The following MTUS2 variants were observed in gnomAD, a reference collection of about 807,000 sequenced individuals.
The protein encoded by MTUS2 is microtubule-associated tumor suppressor candidate 2.
MTUS2 carries 40 observed loss-of-function variants against 114.1 expected under a neutral mutation model. The observed-to-expected ratio is 0.35, with a 90% CI of 0.27 to 0.46. The LOEUF (loss-of-function observed/expected upper bound fraction) is 0.46, where lower values mean the gene tolerates loss of function less well. MTUS2 is among the 20% of genes least tolerant of loss of function. The probability of loss-of-function intolerance (pLI) is 1.00; values close to 1 mark genes in which losing one functional copy is unlikely to be tolerated. For synonymous variants in MTUS2, 688 were observed against 672.0 expected, an observed-to-expected ratio of 1.02 and a Z score of -0.37; for missense variants, 1,679 against 1,705.4, an observed-to-expected ratio of 0.98 and a Z score of 0.27.
chr13:29,363,463 A>G (rs1870437336), intron 8 of MTUS2, among the ~76,000 whole-genome samples: 2 of 152,292 alleles, frequency 1.3e-5, no homozygotes, highest in South Asian at 4.2e-4. Context: ...GACTTTCTAA[A>G]CTTACTAAAA....
At chr13:29,440,480 G>A (rs900522929) in intron 9 of MTUS2, among the ~76,000 whole-genome samples, 13 of 152,164 alleles carry the variant, frequency 8.5e-5, no homozygotes, top group Non-Finnish European at 1.2e-4. Flanking sequence ...TTAAAAATAC[G>A]AGAGTTCATG....
In MTUS2 at chr13:29,008,923, TC is replaced by T. The variant is rs773462100; in HGVS notation, c.-242-15533del. ...CCCTGGTAATTTTCTCCTTTTGTTT[TC>T]TCCATTCTTCTTCTTCTTTTTTTTT... On this transcript the variant is annotated intron_variant, in intron 2 of 15. Transcript: ENST00000612955. 6.6e-5 allele frequency among the ~76,000 whole-genome samples: 10 copies of T among 152,166 alleles called. No individual in the cohort carries two copies. In the East Asian group the frequency reaches 1.7e-3, roughly 26 times the overall value.
chr13:29,494,468 AG>A (rs1882396077), intron 12 of MTUS2, among the ~76,000 whole-genome samples: 1 of 151,860 alleles, frequency 6.6e-6, no homozygotes, highest in African/African-American at 2.4e-5. Flanking sequence ...TTGCCTGACG[AG>A]TTTGCTGTTG....
intron 5 of MTUS2, among the ~76,000 whole-genome samples, chr13:29,257,137 T>C (rs1897306563): frequency 6.6e-6 from 1 of 152,236 alleles, no homozygotes; most frequent in Non-Finnish European, 1.5e-5. Context: ...TCTCATTCTT[T>C]CCTTGCCCTT....
intron 5 of MTUS2, among the ~76,000 whole-genome samples, chr13:29,189,965 T>A (rs1894379841): frequency 6.6e-6 from 1 of 152,152 alleles, no homozygotes. Context: ...GAGATTAGTG[T>A]CCTTAGGAGA....
intron 5 of MTUS2, among the ~76,000 whole-genome samples, chr13:29,101,589 C>A (rs1342411355): frequency 6.6e-6 from 1 of 152,148 alleles, no homozygotes; most frequent in African/African-American, 2.4e-5. Flanking sequence ...CAGCTGCTGT[C>A]CCTGAGGAAG....
At chr13:29,300,195 T>C (rs537927350) in intron 6 of MTUS2, among the ~76,000 whole-genome samples, 139 of 152,330 alleles carry the variant, frequency 9.1e-4, no homozygotes, top group African/African-American at 3.2e-3. Context: ...GACATACCTA[T>C]AGTGCCAGAA....
At chr13:28,992,726 C>A (rs892625531) in intron 2 of MTUS2, among the ~76,000 whole-genome samples, 33 of 152,134 alleles carry the variant, frequency 2.2e-4, no homozygotes, top group African/African-American at 7.7e-4. Flanking sequence ...TTAAAATTTT[C>A]TTTTTATTGT....
chr13:29,246,668 A>G (rs1221388059), intron 5 of MTUS2, among the ~76,000 whole-genome samples: 1 of 152,204 alleles, frequency 6.6e-6, no homozygotes, highest in Non-Finnish European at 1.5e-5. Context: ...CTTGGGTTTT[A>G]AAGCAATGGA....
At chr13:29,001,376 CAG>C (rs1885375847) in intron 2 of MTUS2, among the ~76,000 whole-genome samples, 1 of 152,070 alleles carries the variant, frequency 6.6e-6, no homozygotes, top group African/African-American at 2.4e-5. Context: ...GAGAAGTAGT[CAG>C]ATGCTGGATC....
At chr13:29,183,205 A>G (rs1208769392) in intron 5 of MTUS2, among the ~76,000 whole-genome samples, 2 of 152,170 alleles carry the variant, frequency 1.3e-5, no homozygotes, top group Admixed American at 1.3e-4. Context: ...TTCTGGCTAC[A>G]CTTTGGAGTC....
intron 5 of MTUS2, among the ~76,000 whole-genome samples, chr13:29,215,209 A>G (rs1329932830): frequency 1.3e-5 from 2 of 151,704 alleles, no homozygotes; most frequent in East Asian, 1.9e-4. Flanking sequence ...TTTCAGCTCT[A>G]TCAAGTCATT....
At chr13:29,113,291 A>G (rs910510250) in intron 5 of MTUS2, among the ~76,000 whole-genome samples, 11 of 152,178 alleles carry the variant, frequency 7.2e-5, no homozygotes, top group Non-Finnish European at 1.6e-4. Context: ...TACCTGCACC[A>G]GCCACTAAGG....
chr13:29,267,789 C>T (rs915406633), intron 5 of MTUS2, among the ~76,000 whole-genome samples: 5 of 151,928 alleles, frequency 3.3e-5, no homozygotes, highest in East Asian at 3.9e-4. Flanking sequence ...GGCCTGCATC[C>T]GAGGGTTGTG....
chr13:29,100,965 C>T lies in MTUS2; in HGVS notation c.2639C>T (p.Ala880Val). 2 of 1,559,652 alleles carry T rather than the reference C, an allele frequency of 1.3e-6. No homozygotes were observed. The highest frequency in any genetic ancestry group is 1.7e-6 in the Non-Finnish European group (2 of 1,150,194). ...GCACAGCCAGAGCAGGGCCGGCCAG[C>T]CACCCGTAAGTGGGGTGGGGCAGGG... ...DSAQPEQGRP[A>V]TRSTFGNEEQ... The change falls in exon 5 of 16, where the codon GCC becomes GTC. Residue 880 changes from alanine (A) to valine (V), a missense_variant. This residue lies in a region of MTUS2 where 822 missense variants were observed against 899.7 expected (regional missense o/e 0.91). Transcript: ENST00000612955.
intron 8 of MTUS2, among the ~76,000 whole-genome samples, chr13:29,418,170 G>C: frequency 6.6e-6 from 1 of 152,258 alleles, no homozygotes; most frequent in East Asian, 1.9e-4. Context: ...AATAGTCCTT[G>C]AAAAATATGA....
chr13:28,949,328 T>C (rs547063070), intron 2 of MTUS2, among the ~76,000 whole-genome samples: 2 of 152,362 alleles, frequency 1.3e-5, no homozygotes, highest in East Asian at 3.9e-4. Context: ...CTCTGGCTTT[T>C]AGAATGCTTT....
Position 29,480,592 on chromosome 13 carries a change from A to G in MTUS2, c.3399+228A>G, listed in dbSNP as rs1034125443. Among the ~76,000 whole-genome samples, 4 of 151,936 alleles carry G rather than the reference A, an allele frequency of 2.6e-5. No individual in the cohort carries two copies. Among genetic ancestry groups the G allele is most frequent in the Non-Finnish European group, 4.4e-5 (3 of 68,000 alleles). The stretch of plus-strand genomic sequence containing the variant: ...CACACTTGCTGTGCCCTCTGCCTGG[A>G]ATGCTCTCCCTCTAGACAGTGCATG... On this transcript the variant is annotated intron_variant, in intron 10 of 15. Coordinates refer to ENST00000612955, the MANE Select transcript of MTUS2 (RefSeq NM_001033602.4). This position sits in a 1 kb window ranked among gnomAD's most constrained non-coding sequence, Gnocchi z 4.4.
chr13:29,197,883 C>T (rs1311914108), intron 5 of MTUS2, among the ~76,000 whole-genome samples: 1 of 152,136 alleles, frequency 6.6e-6, no homozygotes, highest in Non-Finnish European at 1.5e-5. Flanking sequence ...TGTTCATATC[C>T]TTTGCCCATT....
Sources: gnomAD v4.1 joint callset for allele counts (sites outside exome capture counted in the v4.1 genomes callset) on GRCh38, gnomAD v4.1.1 for gene constraint, gnomAD v4.1.1 regional missense constraint, Gnocchi (gnomAD v3.1) non-coding constraint, MANE v1.5 for transcripts, NCBI Gene and HGNC (gene_info 2026-07-23, HGNC 2026-07-21) for gene names.